RNASEH2B: variants seen among roughly 807,000 people sequenced by gnomAD.
RNASEH2B encodes Aicardi-Goutieres syndrome 2 protein.
A neutral mutation model predicts 45.0 loss-of-function variants in RNASEH2B; 36 were observed. That is an observed-to-expected ratio of 0.80 (90% CI 0.61 to 1.06). The LOEUF (loss-of-function observed/expected upper bound fraction) is 1.06. Among genes scored for constraint, RNASEH2B ranks in the 50% least tolerant of loss-of-function variants. RNASEH2B has a pLI of 0.00. For synonymous variants in RNASEH2B, 119 were observed against 125.7 expected, an observed-to-expected ratio of 0.95 and a Z score of 0.35; for missense variants, 361 against 360.3, an observed-to-expected ratio of 1.00 and a Z score of -0.02.
chr13:50,965,632 TTC>T (rs1450114539), intron 9 of RNASEH2B, among the ~76,000 whole-genome samples: 1 of 152,260 alleles, frequency 6.6e-6, no homozygotes, highest in East Asian at 1.9e-4. Flanking sequence ...AGAATGAGTT[TTC>T]TGTGATGCAT....
chr13:50,953,761 C>A (rs2138019542), intron 9 of RNASEH2B, 144 bp from the exon 10 acceptor site: 1 of 648,812 alleles, frequency 1.5e-6, no homozygotes, highest in Non-Finnish European at 2.7e-6. Context: ...TGTAAAGGAG[C>A]CTGTAAAAAG....
chr13:50,914,950 C>T (rs1485378923), intron 1 of RNASEH2B, among the ~76,000 whole-genome samples: 3 of 152,202 alleles, frequency 2.0e-5, no homozygotes, highest in African/African-American at 7.2e-5. Context: ...GCTATAATAA[C>T]ACAGACTTAA....
downstream of RNASEH2B, among the ~76,000 whole-genome samples, chr13:50,958,175 T>C (rs1566092353): frequency 6.6e-6 from 1 of 152,196 alleles, no homozygotes; most frequent in Non-Finnish European, 1.5e-5. Context: ...AAGGCTGATG[T>C]TGAGAAGGGT....
At chr13:50,949,732 G>A (rs1566089110) in intron 9 of RNASEH2B, among the ~76,000 whole-genome samples, 1 of 152,096 alleles carries the variant, frequency 6.6e-6, no homozygotes, top group Non-Finnish European at 1.5e-5. Flanking sequence ...AGAAGAGTTG[G>A]TTTTAGCAAG....
intron 5 of RNASEH2B, chr13:50,943,020 A>T (rs1951851813): frequency 3.2e-6 from 1 of 308,776 alleles, no homozygotes; most frequent in Non-Finnish European, 6.0e-6. Flanking sequence ...TATCAACAAG[A>T]TTATTTTCCT....
At chr13:50,944,204 A>G (rs1166333115) in intron 6 of RNASEH2B, among the ~76,000 whole-genome samples, 1 of 152,184 alleles carries the variant, frequency 6.6e-6, no homozygotes, top group African/African-American at 2.4e-5. Flanking sequence ...AAAAACTTTG[A>G]AAGCCACTGG....
intron 9 of RNASEH2B, among the ~76,000 whole-genome samples, chr13:50,962,002 A>G (rs1426952679): frequency 2.6e-5 from 4 of 152,176 alleles, no homozygotes; most frequent in Non-Finnish European, 5.9e-5. Context: ...ATGAATTATA[A>G]TGATTGATTT....
At chr13:50,960,126 G>A (rs1033627534), downstream of RNASEH2B, 2 of 1,114,086 alleles carry the variant, frequency 1.8e-6, no homozygotes, top group African/African-American at 3.2e-5. Context: ...TGCTATTAAT[G>A]AAATCTGTTT....
chr13:50,962,691 A>G (rs1952123036), intron 9 of RNASEH2B, among the ~76,000 whole-genome samples: 1 of 152,044 alleles, frequency 6.6e-6, no homozygotes, highest in Non-Finnish European at 1.5e-5. Context: ...GACATCTATG[A>G]TATTTCTTAT....
chr13:50,917,021 T>TC (rs1002853830), intron 1 of RNASEH2B, among the ~76,000 whole-genome samples: 18 of 152,090 alleles, frequency 1.2e-4, no homozygotes, highest in Non-Finnish European at 2.1e-4. Flanking sequence ...AAGCTGCAGA[T>TC]CCCCCCAGTG....
At chr13:50,955,089 TC>T (rs1952027289) in intron 10 of RNASEH2B, 1 of 152,226 alleles carries the variant, frequency 6.6e-6, no homozygotes, top group African/African-American at 2.4e-5. Context: ...TTTAACTTTT[TC>T]ATTTGATTTT....
chr13:50,913,374 G>A (rs1031599039), intron 1 of RNASEH2B, among the ~76,000 whole-genome samples: 19 of 151,950 alleles, frequency 1.3e-4, no homozygotes, highest in African/African-American at 4.4e-4. Context: ...AGGTGTGAGA[G>A]GTCACCTGAT....
chr13:50,937,205 GATTTTT>G (rs1230111324), intron 5 of RNASEH2B: 1 of 151,614 alleles, frequency 6.6e-6, no homozygotes, highest in Non-Finnish European at 1.5e-5. Context: ...GAAAGAAAAA[GATTTTT>G]ATTTTTATTT....
rs188678952 is a variant in RNASEH2B at position 50,970,268 on chromosome 13, A to C, written c.*304A>C. ...TCAGGCCAGCATGTTTTAGGTATGG[A>C]TGTGGTGACTTAAAGTACTTGATTG... On this transcript the variant is annotated 3_prime_UTR_variant, in exon 10 of 10. Coordinates refer to the RNASEH2B transcript ENST00000422660. 15 of 529,792 alleles carry C rather than the reference A, an allele frequency of 2.8e-5. No individual in the cohort carries two copies. In the East Asian group the frequency reaches 3.0e-4, roughly 11 times the overall value. 32.8% of individuals were successfully genotyped at this position (529,792 alleles called of 1,614,324 possible).
At chr13:50,929,068 C>G (rs1386891282) in intron 2 of RNASEH2B, among the ~76,000 whole-genome samples, 3 of 151,434 alleles carry the variant, frequency 2.0e-5, no homozygotes, top group Non-Finnish European at 4.4e-5. Context: ...GTGGCTTGGT[C>G]CCTGTCAGAC....
intron 1 of RNASEH2B, among the ~76,000 whole-genome samples, chr13:50,918,323 G>C (rs1219522042): frequency 6.6e-6 from 1 of 152,082 alleles, no homozygotes; most frequent in African/African-American, 2.4e-5. Context: ...ATTTTTAGTA[G>C]ACACGGGGTT....
intron 10 of RNASEH2B, 191 bp downstream of exon 10, chr13:50,954,176 A>G: frequency 1.6e-6 from 1 of 640,720 alleles, no homozygotes; most frequent in Admixed American, 2.5e-5. Flanking sequence ...AAGACTTATT[A>G]TTAGTCAGAG....
intron 4 of RNASEH2B, 116 bp from the exon 5 acceptor site, chr13:50,934,769 G>C: frequency 1.4e-6 from 1 of 737,752 alleles, no homozygotes; most frequent in Non-Finnish European, 2.4e-6. Context: ...AGATGGAATA[G>C]GTGGCTTCTG....
At chr13:50,951,141 C>A (rs1951970833) in intron 9 of RNASEH2B, 1 of 152,250 alleles carries the variant, frequency 6.6e-6, no homozygotes, top group South Asian at 2.1e-4. Context: ...TCTTCCTAAA[C>A]CCCAGCCTTG....
Sources: gnomAD v4.1 joint callset for allele counts (sites outside exome capture counted in the v4.1 genomes callset) on GRCh38, gnomAD v4.1.1 for gene constraint, MANE v1.5 for transcripts, NCBI Gene and HGNC (gene_info 2026-07-23, HGNC 2026-07-21) for gene names.